The following GLG1 variants were observed in gnomAD, a reference collection of about 807,000 sequenced individuals.
The protein encoded by GLG1 is Golgi apparatus protein 1.
GLG1 carries 38 observed loss-of-function variants against 160.5 expected under a neutral mutation model. That is an observed-to-expected ratio of 0.24 (90% confidence interval 0.18 to 0.31). GLG1 has a LOEUF of 0.31. GLG1 is among the 10% of genes least tolerant of loss of function. The probability of loss-of-function intolerance (pLI) is 1.00; values close to 1 mark genes in which losing one functional copy is unlikely to be tolerated. For missense variants in GLG1, 1,373 were observed against 1,505.2 expected (o/e 0.91, Z 1.45); for synonymous variants, 644 against 543.4 (o/e 1.19, Z -2.57).
intron 1 of GLG1, among the ~76,000 whole-genome samples, chr16:74,588,086 G>GA (rs1346203219): frequency 8.0e-5 from 12 of 150,832 alleles, no homozygotes; most frequent in Non-Finnish European, 1.2e-4. Flanking sequence ...AACACAGAGA[G>GA]AAAAAAAACA....
chr16:74,562,950 G>GCC (rs1488684428), intron 1 of GLG1, among the ~76,000 whole-genome samples: 8 of 152,112 alleles, frequency 5.3e-5, no homozygotes, highest in Non-Finnish European at 8.8e-5. Flanking sequence ...ATGCAGGAGG[G>GCC]CCCCTCCAGA....
At chr16:74,504,498 G>A (rs1456821985) in intron 3 of GLG1, among the ~76,000 whole-genome samples, 2 of 152,082 alleles carry the variant, frequency 1.3e-5, no homozygotes, top group Non-Finnish European at 2.9e-5. Flanking sequence ...ATGTTGGCCA[G>A]GCTGGTCTCG....
chr16:74,468,226 C>CTTTTTTTTTTTTTTT lies in GLG1; in HGVS notation c.2437-393_2437-379dup, dbSNP rs201829157. On this transcript the variant is annotated intron_variant, in intron 17 of 25. Transcript: ENST00000422840. ...AACCAAATCTTCCAGCTTGAAATGT[C>CTTTTTTTTTTTTTTT]TTTTTTTTTTTTTTTTTTTTTTTTT... 1.4e-4 allele frequency: 12 copies of CTTTTTTTTTTTTTTT among 83,318 alleles called. 1 individual carries two copies. Among genetic ancestry groups the CTTTTTTTTTTTTTTT allele is most frequent in the African/African-American group, 5.7e-4 (11 of 19,202 alleles). The allele number at this position is 83,318 out of a possible 1,614,324, so 5.2% of individuals were successfully genotyped here.
At chr16:74,605,248 A>G (rs1056917423) in intron 1 of GLG1, among the ~76,000 whole-genome samples, 1 of 151,784 alleles carries the variant, frequency 6.6e-6, no homozygotes, top group African/African-American at 2.4e-5. Context: ...TGGAGCATAA[A>G]ACTGCCTCCT....
In GLG1 at chr16:74,449,054, T is replaced by G. The variant is rs763993561; in HGVS notation, c.*4113A>C. ...AGTCGGAGGATTCGGTAAGCTGAGA[T>G]AGCGCCACAGCACTCCAGCCTGGCA... On this transcript the variant is annotated 3_prime_UTR_variant, in exon 26 of 26. Coordinates refer to ENST00000422840, the MANE Select transcript of GLG1 (RefSeq NM_001145667.2). 3 of 152,224 alleles carry G rather than the reference T, an allele frequency of 2.0e-5. No individual in the cohort carries two copies. The highest frequency in any genetic ancestry group is 2.9e-5 in the Non-Finnish European group (2 of 68,090). 9.4% of individuals were successfully genotyped at this position (152,224 alleles called of 1,614,324 possible).
chr16:74,454,752 G>A (rs958833793), intron 25 of GLG1, among the ~76,000 whole-genome samples: 6 of 140,908 alleles, frequency 4.3e-5, no homozygotes, highest in Admixed American at 2.2e-4. Context: ...AGCTGGTCTC[G>A]AACTCCTGGG....
intron 4 of GLG1, among the ~76,000 whole-genome samples, chr16:74,497,685 C>T (rs779358292): frequency 3.3e-5 from 5 of 152,158 alleles, no homozygotes; most frequent in Non-Finnish European, 7.3e-5. Flanking sequence ...GATCCGCCCG[C>T]CTCGGCCTCC....
rs755429297 is a variant in GLG1, at chr16:74,450,139, G to C, written c.*3028C>G. ...AGTGACCCAGCTGCTATAACTGTTA[G>C]CAAGTACCTGAAGCCTTAGCCTTGG... On this transcript the variant is annotated 3_prime_UTR_variant, in exon 26 of 26. Transcript: ENST00000422840. The C allele has an allele frequency of 6.6e-6, 1 of 152,310 alleles. No homozygotes were observed. Among genetic ancestry groups the C allele is most frequent in the African/African-American group, 2.4e-5 (1 of 41,448 alleles). 9.4% of individuals were successfully genotyped at this position (152,310 alleles called of 1,614,324 possible). A position where few individuals can be genotyped will look rare whatever the true frequency, so the allele number is the denominator to read the frequency against.
chr16:74,528,795 G>A (rs1459571453), intron 2 of GLG1, among the ~76,000 whole-genome samples: 1 of 117,428 alleles, frequency 8.5e-6, no homozygotes, highest in African/African-American at 3.3e-5. Context: ...CTCAGTGACA[G>A]AGCGAGATTC....
intron 1 of GLG1, among the ~76,000 whole-genome samples, chr16:74,589,793 C>A (rs1443014858): frequency 6.6e-6 from 1 of 152,022 alleles, no homozygotes; most frequent in Non-Finnish European, 1.5e-5. Flanking sequence ...AATTCTTGGC[C>A]GAGCACGGTG....
intron 12 of GLG1, among the ~76,000 whole-genome samples, 166 bp from the exon 13 acceptor site, chr16:74,474,798 C>T (rs2015338905): frequency 6.6e-6 from 1 of 152,120 alleles, no homozygotes; most frequent in African/African-American, 2.4e-5. Context: ...ATTCCCCAGA[C>T]TGAGATTGTT....
chr16:74,528,811 C>CAAA (rs35777516), intron 2 of GLG1, among the ~76,000 whole-genome samples: 11,310 of 62,794 alleles, frequency 0.18, 1,759 homozygotes, highest in African/African-American at 0.21. Flanking sequence ...GATTCTGTCT[C>CAAA]AAAAAAAAAA....
chr16:74,490,606 C>A (rs547353915), intron 8 of GLG1, among the ~76,000 whole-genome samples: 46 of 152,196 alleles, frequency 3.0e-4, no homozygotes, highest in African/African-American at 1.1e-3. Flanking sequence ...CTTTTTCAGC[C>A]TCAACTCAAT....
At chr16:74,476,774 T>C (rs913111019) in intron 12 of GLG1, among the ~76,000 whole-genome samples, 19 of 152,276 alleles carry the variant, frequency 1.2e-4, no homozygotes, top group African/African-American at 3.9e-4. Context: ...GGCTATATAA[T>C]GAACTGAACT....
At position 74,571,693 on chromosome 16, in the gene GLG1, T is replaced by C. The variant is rs183240501; in HGVS notation, c.438+34964A>G. 1.1e-3 allele frequency among the ~76,000 whole-genome samples: 171 copies of C among 149,332 alleles called. 1 individual carries two copies. Among genetic ancestry groups the C allele is most frequent in the Non-Finnish European group, 1.9e-3 (130 of 67,532 alleles). Reference sequence around the variant, plus strand: ...AAAAAAAATTAGCCGGGCACAGTGGTGCACGCCTGTGGTCCCAGCTATTTG... The same window carrying C: ...AAAAAAAATTAGCCGGGCACAGTGGCGCACGCCTGTGGTCCCAGCTATTTG... On this transcript the variant is annotated intron_variant, in intron 1 of 25. Transcript: ENST00000422840.
In GLG1 at chr16:74,514,095, G is replaced by T. The variant is rs2047409505; in HGVS notation, c.472-5170C>A. 2.0e-5 allele frequency among the ~76,000 whole-genome samples: 3 copies of T among 152,160 alleles called. No individual in the cohort carries two copies. In the South Asian group the frequency reaches 6.2e-4, roughly 32 times the overall value. The stretch of plus-strand genomic sequence containing the variant: ...CAGAAGACAAGATTAGATAAAAAAA[G>T]AGTGAAAAGAAACGAACAAAACCTC... On this transcript the variant is annotated intron_variant, in intron 2 of 25. Transcript: ENST00000422840.
chr16:74,471,759 C>G (rs2015216662), intron 14 of GLG1, among the ~76,000 whole-genome samples: 1 of 152,192 alleles, frequency 6.6e-6, no homozygotes, highest in African/African-American at 2.4e-5. Context: ...GTACTGGAAT[C>G]AACCCTGCAT....
rs140504819 is a variant in GLG1, at chr16:74,477,977, A to AAAATAAATAAATAAATAAAT, written c.1828-464_1828-445dup. Among the ~76,000 whole-genome samples, 386 of 140,180 alleles carry AAAATAAATAAATAAATAAAT rather than the reference A, an allele frequency of 2.8e-3. 3 individuals carry two copies. Among genetic ancestry groups the AAAATAAATAAATAAATAAAT allele is most frequent in the South Asian group, 7.0e-3 (25 of 3,586 alleles). The allele number at this position is 140,180 out of a possible 152,430, so 92.0% of individuals were successfully genotyped here. On this transcript the variant is annotated intron_variant, in intron 11 of 25. Coordinates refer to ENST00000422840, the MANE Select transcript of GLG1 (RefSeq NM_001145667.2). ...AACAAGAGCGAAACTCCGTCTCAAA[A>AAAATAAATAAATAAATAAAT]AAATAAATAAATAAATAAATAAATA...
At chr16:74,535,553 C>T (rs2017665478) in intron 1 of GLG1, among the ~76,000 whole-genome samples, 1 of 152,178 alleles carries the variant, frequency 6.6e-6, no homozygotes, top group Non-Finnish European at 1.5e-5. Flanking sequence ...CTGCCTCAGC[C>T]TCCCTAGTAG....
Sources: allele counts gnomAD v4.1 joint callset (sites outside exome capture counted in the v4.1 genomes callset), GRCh38; gene constraint gnomAD v4.1.1; transcripts MANE v1.5; gene names NCBI Gene and HGNC (gene_info 2026-07-23, HGNC 2026-07-21).